Variants in PAM16 observed in about 807,000 individuals in gnomAD.
The protein encoded by PAM16 is mitochondrial import inner membrane translocase subunit TIM16.
Under a neutral mutation model 17.9 loss-of-function variants are expected in PAM16, and 11 were observed. That is an observed-to-expected ratio of 0.62 (90% CI 0.39 to 1.02). PAM16 has a LOEUF of 1.02. PAM16 is among the 50% of genes least tolerant of loss of function. The pLI is 0.01. For synonymous variants in PAM16, 72 were observed against 67.4 expected (o/e 1.07, Z -0.34); for missense variants, 199 against 165.4 (o/e 1.20, Z -1.11).
chr16:4,344,010 C>G (rs1227304138), intron 1 of PAM16: 2 of 397,784 alleles, frequency 5.0e-6, no homozygotes, highest in Non-Finnish European at 8.8e-6. Flanking sequence ...GTCCCTGCCC[C>G]GAGTCAGAGC....
intron 2 of PAM16, among the ~76,000 whole-genome samples, chr16:4,342,115 CCAAGGAGGG>C (rs1346117754): frequency 1.1e-4 from 17 of 152,160 alleles, no homozygotes; most frequent in Admixed American, 1.1e-3. Flanking sequence ...CTTTGGGAGG[CCAAGGAGGG>C]CAGATCACGA....
Position 4,350,002 on chromosome 16 carries a change from T to C in PAM16, c.3+1230A>G, listed in dbSNP as rs556514584. ...ACGCCGTTAGCTGTTACATTATCCT[T>C]ATTACTATGTTAGTTAAGAAGTGGC... On this transcript the variant is annotated intron_variant, in intron 1 of 4. Transcript: ENST00000318059. Among the ~76,000 whole-genome samples, 11 of 152,238 alleles carry C rather than the reference T, an allele frequency of 7.2e-5. No individual in the cohort carries two copies. In the South Asian group the frequency reaches 2.3e-3, roughly 32 times the overall value.
At chr16:4,349,978 C>T (rs976401409) in intron 1 of PAM16, among the ~76,000 whole-genome samples, 1 of 152,028 alleles carries the variant, frequency 6.6e-6, no homozygotes, top group Admixed American at 6.6e-5. Flanking sequence ...GGCACTTGTA[C>T]GCCGTTAGCT....
intron 1 of PAM16, 109 bp from the exon 2 acceptor site, chr16:4,343,400 G>T: frequency 6.7e-7 from 1 of 1,492,980 alleles, no homozygotes; most frequent in Non-Finnish European, 9.0e-7. Context: ...CCGAGGTCAT[G>T]AAGCACAGAG....
chr16:4,351,207 C>A, intron 1 of PAM16, 25 bp downstream of exon 1: 2 of 1,384,178 alleles, frequency 1.4e-6, no homozygotes, highest in East Asian at 5.8e-5. Flanking sequence ...TTCCCCTCCC[C>A]GGTAGCGCCC....
chr16:4,347,256 G>A (rs2053773034), intron 1 of PAM16: 1 of 152,160 alleles, frequency 6.6e-6, no homozygotes, highest in South Asian at 2.1e-4. Flanking sequence ...TCACAAGTAG[G>A]TGGAAATTTC....
intron 1 of PAM16, chr16:4,344,220 G>A (rs1295441732): frequency 1.7e-5 from 5 of 289,862 alleles, no homozygotes; most frequent in Admixed American, 6.0e-5. Context: ...AGGGCGTTCC[G>A]TGAGAGGAGG....
At chr16:4,341,757 A>G in intron 2 of PAM16, 1 of 564,730 alleles carries the variant, frequency 1.8e-6, no homozygotes, top group Non-Finnish European at 3.1e-6. Flanking sequence ...CCCAACCTAG[A>G]CCATGAGATG....
At chr16:4,346,362 GA>G (rs1364221858) in intron 1 of PAM16, among the ~76,000 whole-genome samples, 2 of 152,238 alleles carry the variant, frequency 1.3e-5, no homozygotes, top group Non-Finnish European at 2.9e-5. Context: ...ATAAAGCTGA[GA>G]TAATGCCTGT....
chr16:4,351,028 G>A (rs867545891), intron 1 of PAM16: 3 of 329,390 alleles, frequency 9.1e-6, no homozygotes, highest in Admixed American at 4.9e-5. Context: ...CTTCCAGGCA[G>A]ACGGTTTTCC....
rs202210955 is a variant in PAM16, at chr16:4,343,428, C to A, written c.4-137G>T. ...GCACAGAGCTGCAGCCCCAGGCCAA[C>A]CCCTCCAAAGCACCCTGAATGAAAG... On this transcript the variant is annotated intron_variant, in intron 1 of 4. Transcript: ENST00000318059. 128 of 1,452,386 alleles carry A rather than the reference C, an allele frequency of 8.8e-5. 1 individual carries two copies. In the East Asian group the frequency reaches 2.7e-3, roughly 31 times the overall value. 90.0% of individuals were successfully genotyped at this position (1,452,386 alleles called of 1,614,324 possible). A position where few individuals can be genotyped will look rare whatever the true frequency, so the allele number is the denominator to read the frequency against.
intron 2 of PAM16, among the ~76,000 whole-genome samples, chr16:4,342,516 T>C (rs915498463): frequency 6.7e-6 from 1 of 149,594 alleles, no homozygotes; most frequent in Non-Finnish European, 1.5e-5. Context: ...TAGCCGGGCA[T>C]GGTGGCGCAT....
chr16:4,344,254 CCG>C (rs2141146672), intron 1 of PAM16: 2 of 44,512 alleles, frequency 4.5e-5, no homozygotes, highest in South Asian at 1.8e-3. Flanking sequence ...GGAGGGGGTT[CCG>C]TGAGAGGAGG....
intron 4 of PAM16, 63 bp from the exon 5 acceptor site, chr16:4,340,468 T>C (rs1231417831): frequency 1.3e-6 from 2 of 1,560,968 alleles, no homozygotes; most frequent in African/African-American, 1.4e-5. Flanking sequence ...CTTGCCCACA[T>C]GGGATGGCCT....
intron 1 of PAM16, chr16:4,346,021 T>C: frequency 1.0e-6 from 1 of 971,172 alleles, no homozygotes; most frequent in Non-Finnish European, 1.2e-6. Flanking sequence ...TGCAAAATAA[T>C]GAACGGTAAG....
At chr16:4,351,138 G>A in intron 1 of PAM16, 94 bp downstream of exon 1, 1 of 663,692 alleles carries the variant, frequency 1.5e-6, no homozygotes, top group Non-Finnish European at 2.1e-6. Flanking sequence ...GGGGCGCACG[G>A]CGCCCGCCGC....
chr16:4,344,264 A>G (rs1276742809), intron 1 of PAM16: 1 of 27,274 alleles, frequency 3.7e-5, no homozygotes, highest in African/African-American at 2.2e-4. Flanking sequence ...CCGTGAGAGG[A>G]GGGGGTTCTG....
chr16:4,347,253 T>C (rs1596254151), intron 1 of PAM16: 1 of 152,138 alleles, frequency 6.6e-6, no homozygotes, highest in African/African-American at 2.4e-5. Context: ...ATTTCACAAG[T>C]AGGTGGAAAT....
intron 1 of PAM16, among the ~76,000 whole-genome samples, chr16:4,350,276 G>T (rs2053828061): frequency 6.7e-6 from 1 of 150,040 alleles, no homozygotes. Flanking sequence ...CACCATGCCT[G>T]GCTAACATAT....
Sources: allele counts gnomAD v4.1 joint callset (sites outside exome capture counted in the v4.1 genomes callset), GRCh38; gene constraint gnomAD v4.1.1; transcripts MANE v1.5; gene names NCBI Gene and HGNC (gene_info 2026-07-23, HGNC 2026-07-21).